NEDD9: variants seen among roughly 807,000 people sequenced by gnomAD.
The protein encoded by NEDD9 is enhancer of filamentation 1.
A neutral mutation model predicts 76.6 loss-of-function variants in NEDD9; 26 were observed. The observed-to-expected ratio is 0.34, with a 90% CI of 0.25 to 0.47. The LOEUF is 0.47. Among genes scored for constraint, NEDD9 ranks in the 20% least tolerant of loss-of-function variants. The pLI is 1.00. For missense variants in NEDD9, 937 were observed against 1,058.5 expected, an observed-to-expected ratio of 0.89 and a Z score of 1.59; for synonymous variants, 392 against 414.2, an observed-to-expected ratio of 0.95 and a Z score of 0.65.
chr6:11,228,302 A>C (rs1759368671), intron 1 of NEDD9, among the ~76,000 whole-genome samples: 1 of 152,166 alleles, frequency 6.6e-6, no homozygotes, highest in South Asian at 2.1e-4. Context: ...AGGCTGAGGC[A>C]GGTGGATCAC....
intron 2 of NEDD9, chr6:11,200,747 G>A (rs1758423672): frequency 1.5e-6 from 2 of 1,378,494 alleles, no homozygotes; most frequent in African/African-American, 2.9e-5. Context: ...AGTGGTCCTT[G>A]ATGATCATCT....
At chr6:11,199,699 C>T (rs1167603638) in intron 2 of NEDD9, 1 of 108,676 alleles carries the variant, frequency 9.2e-6, no homozygotes, top group Non-Finnish European at 1.7e-5. Flanking sequence ...CTTACTCTGT[C>T]GCCCAGGCTG....
intron 1 of NEDD9, among the ~76,000 whole-genome samples, chr6:11,380,726 C>T (rs919700274): frequency 6.6e-5 from 10 of 152,150 alleles, no homozygotes; most frequent in African/African-American, 1.9e-4. Flanking sequence ...GAAGAGGCAC[C>T]GGGAATTACA....
Position 11,305,869 on chromosome 6 carries a change from A to C in NEDD9, c.12+123T>G, listed in dbSNP as rs1469621674. ...CTAAACTTAACAGTATTTTCCCCAA[A>C]TGTTAGTTGCAGGCCCGTATGACAA... On this transcript the variant is annotated intron_variant, in intron 3 of 3. Coordinates refer to the NEDD9 transcript ENST00000397378. 3.3e-6 allele frequency: 4 copies of C among 1,203,738 alleles called. No individual in the cohort carries two copies. In the East Asian group the frequency reaches 9.3e-5, roughly 28 times the overall value. The allele number at this position is 1,203,738 out of a possible 1,614,324, so 74.6% of individuals were successfully genotyped here. A position where few individuals can be genotyped will look rare whatever the true frequency, so the allele number is the denominator to read the frequency against.
chr6:11,210,329 C>T (rs919472277), intron 2 of NEDD9, among the ~76,000 whole-genome samples: 10 of 152,140 alleles, frequency 6.6e-5, no homozygotes, highest in Non-Finnish European at 5.9e-5. Flanking sequence ...AACCCCACCC[C>T]GGTGGCTCAG....
At position 11,190,634 on chromosome 6, in the gene NEDD9, C is replaced by T. The variant is rs553150867; in HGVS notation, c.1235G>A (p.Arg412Lys). ...LFLDPDTAIE[R>K]LQRLQQALEM... ...AAGGGCCTGCTGGAGCCGCTGAAGT[C>T]TCTCAATAGCTGTGTCTGGATCCAG... Residue 412 changes from arginine (R) to lysine (K), a missense_variant, in exon 5 of 7, where the codon AGA becomes AAA. Coordinates refer to ENST00000379446, the MANE Select transcript of NEDD9 (RefSeq NM_006403.4). The surrounding 1 kb of genome is among the most constrained non-coding windows in gnomAD (Gnocchi z 5.8). 6.2e-7 allele frequency: 1 copy of T among 1,614,154 alleles called. No homozygotes were observed. Among genetic ancestry groups the T allele is most frequent in the African/African-American group, 1.3e-5 (1 of 75,048 alleles).
intron 1 of NEDD9, among the ~76,000 whole-genome samples, chr6:11,366,204 A>C (rs1762761395): frequency 6.6e-6 from 1 of 151,672 alleles, no homozygotes; most frequent in African/African-American, 2.4e-5. Flanking sequence ...GAATCACTTG[A>C]ACCTGGGAGG....
chr6:11,355,911 C>CG (rs770827675), intron 1 of NEDD9, among the ~76,000 whole-genome samples: 1 of 151,830 alleles, frequency 6.6e-6, no homozygotes, highest in Non-Finnish European at 1.5e-5. Context: ...TTAGTAGAGA[C>CG]GGGGTTTCAC....
rs1386210666 is a variant in NEDD9, at chr6:11,190,449, C to A, written c.1420G>T (p.Ala474Ser). The change falls in exon 5 of 7, where the codon GCC becomes TCC. Residue 474 changes from alanine (A) to serine (S), a missense_variant. Transcript: ENST00000379446. This position sits in a 1 kb window ranked among gnomAD's most constrained non-coding sequence, Gnocchi z 5.8. ...TGGAGGATGAGTTCCGGGAGGCAGG[C>A]AGCATTTGCAACAGCTCCCTTGACA... ...HFVKGAVANA[A>S]CLPELILHNK... 8 of 1,614,178 alleles carry A rather than the reference C, an allele frequency of 5.0e-6. No individual in the cohort carries two copies. The highest frequency in any genetic ancestry group is 4.2e-6 in the Non-Finnish European group (5 of 1,180,026).
chr6:11,349,268 A>G (rs986921374), intron 1 of NEDD9, among the ~76,000 whole-genome samples: 1 of 152,212 alleles, frequency 6.6e-6, no homozygotes, highest in Non-Finnish European at 1.5e-5. Context: ...ATAAAAAAAT[A>G]ACAGATGCTT....
At chr6:11,197,204 C>T (rs186902430) in intron 2 of NEDD9, among the ~76,000 whole-genome samples, 1 of 151,456 alleles carries the variant, frequency 6.6e-6, no homozygotes, top group East Asian at 1.9e-4. Flanking sequence ...AACTAATTTT[C>T]TCAATGAAAT....
intron 2 of NEDD9, among the ~76,000 whole-genome samples, chr6:11,196,703 G>A (rs544570435): frequency 2.7e-4 from 41 of 151,586 alleles, no homozygotes; most frequent in Non-Finnish European, 5.2e-4. Context: ...CCCCCCGCCC[G>A]CCACCACCGA....
chr6:11,337,665 C>T (rs1391811292), intron 1 of NEDD9, among the ~76,000 whole-genome samples: 1 of 152,210 alleles, frequency 6.6e-6, no homozygotes, highest in Non-Finnish European at 1.5e-5. Context: ...GATGTTCTGT[C>T]CAACTCCGTC....
intron 3 of NEDD9, among the ~76,000 whole-genome samples, chr6:11,295,298 T>A (rs1760865032): frequency 6.6e-6 from 1 of 152,188 alleles, no homozygotes; most frequent in South Asian, 2.1e-4. Context: ...ATTGTATGAG[T>A]GCGTTTTATT....
At chr6:11,203,131 T>G (rs1314960731) in intron 2 of NEDD9, among the ~76,000 whole-genome samples, 1 of 152,208 alleles carries the variant, frequency 6.6e-6, no homozygotes, top group Non-Finnish European at 1.5e-5. Flanking sequence ...GCATTTAACA[T>G]GAAAGAACAC....
At chr6:11,221,935 A>C (rs1650555135) in intron 1 of NEDD9, among the ~76,000 whole-genome samples, 1 of 152,224 alleles carries the variant, frequency 6.6e-6, no homozygotes, top group African/African-American at 2.4e-5. Flanking sequence ...GATCATATCT[A>C]TCTGCCTGTC....
intron 6 of NEDD9, among the ~76,000 whole-genome samples, chr6:11,187,037 A>C (rs924244933): frequency 1.3e-5 from 2 of 152,246 alleles, no homozygotes; most frequent in Admixed American, 6.5e-5. Flanking sequence ...AATAGGTACA[A>C]GGTGATATTC....
At chr6:11,324,226 A>G (rs961952003) in intron 2 of NEDD9, among the ~76,000 whole-genome samples, 3 of 152,006 alleles carry the variant, frequency 2.0e-5, no homozygotes, top group African/African-American at 7.3e-5. Context: ...TTAACCAGTA[A>G]TCTGGCTTTT....
chr6:11,365,891 T>TGAGGCTGGA (rs1318620406), intron 1 of NEDD9, among the ~76,000 whole-genome samples: 2 of 152,110 alleles, frequency 1.3e-5, no homozygotes, highest in Non-Finnish European at 2.9e-5. Context: ...CTCGGGGGGC[T>TGAGGCTGGA]GAGGCTGGAG....
Sources: allele counts gnomAD v4.1 joint callset (sites outside exome capture counted in the v4.1 genomes callset), GRCh38; gene constraint gnomAD v4.1.1; non-coding constraint Gnocchi (gnomAD v3.1); transcripts MANE v1.5; gene names NCBI Gene and HGNC (gene_info 2026-07-23, HGNC 2026-07-21).